The following KCTD18 variants were observed in gnomAD, a reference collection of about 807,000 sequenced individuals.
KCTD18 encodes the protein BTB/POZ domain-containing protein KCTD18.
KCTD18 carries 22 observed loss-of-function variants against 30.4 expected under a neutral mutation model. That is an observed-to-expected ratio of 0.72 (90% CI 0.52 to 1.03). KCTD18 has a LOEUF of 1.03. KCTD18 is among the 50% of genes least tolerant of loss of function. The probability of loss-of-function intolerance (pLI) is 0.00; values close to 1 mark genes in which losing one functional copy is unlikely to be tolerated. For missense variants in KCTD18, 529 were observed against 547.6 expected, an observed-to-expected ratio of 0.97 and a Z score of 0.34; for synonymous variants, 186 against 209.0, an observed-to-expected ratio of 0.89 and a Z score of 0.95.
rs773609020 is a variant in KCTD18 at position 200,506,906 on chromosome 2, CATGG to C, written c.107_110del (p.Ser36CysfsTer12). On this transcript the variant is annotated frameshift_variant, in exon 2 of 7. Transcript: ENST00000359878. LOFTEE classifies it high-confidence loss of function. ...AGCGACCACTGAACATAGATGCCAA[CATGG>C]AGTCCTTGAAGCGGCACAAGGACTC... The C allele has an allele frequency of 2.5e-6, 4 of 1,614,004 alleles. No homozygotes were observed. The South Asian group carries it at 4.4e-5, about 18-fold the overall frequency.
At chr2:200,505,973 C>T (rs1419583198) in intron 2 of KCTD18, among the ~76,000 whole-genome samples, 3 of 152,070 alleles carry the variant, frequency 2.0e-5, no homozygotes, top group East Asian at 3.9e-4. Context: ...TCAATCCCTG[C>T]TTACCATCTT....
intron 5 of KCTD18, chr2:200,497,111 T>C (rs1225631348): frequency 1.3e-5 from 2 of 152,284 alleles, no homozygotes; most frequent in Non-Finnish European, 2.9e-5. Context: ...TACATGGTTG[T>C]TAATTAAGAA....
chr2:200,499,965 G>T (rs1041639346), intron 3 of KCTD18, among the ~76,000 whole-genome samples: 1 of 151,904 alleles, frequency 6.6e-6, no homozygotes, highest in African/African-American at 2.4e-5. Flanking sequence ...GGAATGCAAG[G>T]CTGGTTCAAT....
chr2:200,500,356 C>T (rs1431916511), intron 3 of KCTD18, among the ~76,000 whole-genome samples: 31 of 151,514 alleles, frequency 2.0e-4, no homozygotes, highest in Admixed American at 3.9e-4. Context: ...TGTTTGCAGA[C>T]GACATGATTG....
intron 5 of KCTD18, chr2:200,496,813 C>T (rs940948580): frequency 6.6e-6 from 1 of 152,122 alleles, no homozygotes; most frequent in Non-Finnish European, 1.5e-5. Context: ...TTAAAAGCCT[C>T]TTCCTCTCCT....
intron 5 of KCTD18, among the ~76,000 whole-genome samples, chr2:200,494,910 T>A (rs1002907127): frequency 1.3e-5 from 2 of 152,344 alleles, no homozygotes; most frequent in Middle Eastern, 3.4e-3. Flanking sequence ...TCATACAAAA[T>A]GCAACCTTTT....
At chr2:200,496,821 CCTTTT>C (rs1215591053) in intron 5 of KCTD18, 1 of 151,946 alleles carries the variant, frequency 6.6e-6, no homozygotes, top group East Asian at 1.9e-4. Context: ...CTCTTCCTCT[CCTTTT>C]ATGTCTTGCT....
chr2:200,494,366 A>T (rs1255506338), intron 5 of KCTD18, among the ~76,000 whole-genome samples: 1 of 152,078 alleles, frequency 6.6e-6, no homozygotes, highest in Non-Finnish European at 1.5e-5. Context: ...TTCCATCTCA[A>T]TTTTTTTTAG....
In KCTD18 at chr2:200,489,180, A is replaced by G. The variant is rs2087868105; in HGVS notation, c.*920T>C. 1 of 152,640 alleles carries G rather than the reference A, an allele frequency of 6.6e-6. No homozygotes were observed. 9.5% of individuals were successfully genotyped at this position (152,640 alleles called of 1,614,324 possible). ...TTTACGAATAAACACACACAACTGA[A>G]TAGTCATGAAAAAATAGAGGATTAG... On this transcript the variant is annotated 3_prime_UTR_variant, in exon 7 of 7. Transcript: ENST00000359878.
chr2:200,500,537 T>A (rs2088068328), intron 3 of KCTD18, among the ~76,000 whole-genome samples: 3 of 150,134 alleles, frequency 2.0e-5, no homozygotes, highest in African/African-American at 7.3e-5. Context: ...CACAATTGCT[T>A]CAAAGAGAAT....
rs187923346 is a variant in KCTD18, at chr2:200,499,101, A to G, written c.373-17T>C. The G allele has an allele frequency of 4.8e-4, 737 of 1,549,760 alleles. 5 individuals carry two copies. Among genetic ancestry groups the G allele is most frequent in the Non-Finnish European group, 1.7e-4 (192 of 1,146,926 alleles). The stretch of plus-strand genomic sequence containing the variant: ...TGTTAAAGCCTAAAGCAAAAAGTAT[A>G]TATAAAATTTGAATTTAATTCTAGA... On this transcript the variant is annotated splice_polypyrimidine_tract_variant and intron_variant, in intron 3 of 6. Coordinates refer to ENST00000359878, the MANE Select transcript of KCTD18 (RefSeq NM_152387.4).
At chr2:200,504,704 C>A in intron 3 of KCTD18, 44 bp downstream of exon 3, 1 of 1,350,704 alleles carries the variant, frequency 7.4e-7, no homozygotes, top group Non-Finnish European at 1.0e-6. Flanking sequence ...TTGCTTTGTG[C>A]ATCATAAATA....
rs16833583 is a variant in KCTD18 at position 200,490,232 on chromosome 2, C to T, written c.1149G>A (p.Pro383=). The change falls in exon 7 of 7, where the codon CCG becomes CCA. Residue 383 remains proline, a synonymous_variant. Coordinates refer to ENST00000359878, the MANE Select transcript of KCTD18 (RefSeq NM_152387.4). The part of the protein sequence containing the change: ...PQRVIKLKRT[P]LCATAPCLPS... ...GCAGGCAAGGCGCGGTGGCGCACAG[C>T]GGAGTCCTCTTCAGCTTTATCACCC... The T allele has an allele frequency of 1.5e-5, 24 of 1,614,100 alleles. 1 individual carries two copies. In the South Asian group the frequency reaches 2.3e-4, roughly 16 times the overall value.
At position 200,506,914 on chromosome 2, in the gene KCTD18, C is replaced by A. The variant is rs769029522; in HGVS notation, c.103G>T (p.Asp35Tyr). ...ARRESLCRFK[D>Y]SMLASMFSGR... is the part of the protein sequence containing the mutation. ...CTGAACATAGATGCCAACATGGAGT[C>A]CTTGAAGCGGCACAAGGACTCCCGC... is the stretch of plus-strand genomic sequence containing the variant. Residue 35 changes from aspartate (D) to tyrosine (Y), a missense_variant, in exon 2 of 7, where the codon GAC becomes TAC. Asp to Tyr is a radical substitution (Grantham distance 160). Coordinates refer to ENST00000359878, the MANE Select transcript of KCTD18 (RefSeq NM_152387.4). The A allele has an allele frequency of 6.2e-6, 10 of 1,613,862 alleles. No homozygotes were observed. The highest frequency in any genetic ancestry group is 7.6e-6 in the Non-Finnish European group (9 of 1,179,972).
At chr2:200,494,675 T>C (rs2087970917) in intron 5 of KCTD18, among the ~76,000 whole-genome samples, 1 of 152,216 alleles carries the variant, frequency 6.6e-6, no homozygotes, top group African/African-American at 2.4e-5. Context: ...TTAAGTTTGC[T>C]TTTTCTAAAA....
intron 4 of KCTD18, 27 bp downstream of exon 4, chr2:200,498,864 C>A: frequency 6.3e-7 from 1 of 1,599,936 alleles, no homozygotes; most frequent in Non-Finnish European, 8.6e-7. Context: ...TTATTTTGTT[C>A]TTTTTCACAT....
chr2:200,502,819 T>C (rs969174922), intron 3 of KCTD18, among the ~76,000 whole-genome samples: 1 of 151,488 alleles, frequency 6.6e-6, no homozygotes, highest in Admixed American at 6.6e-5. Flanking sequence ...TCACCTGAGG[T>C]TGGGAGTTCG....
chr2:200,497,525 T>C (rs771716967), intron 5 of KCTD18: 15 of 448,636 alleles, frequency 3.3e-5, no homozygotes, highest in Non-Finnish European at 5.9e-5. Flanking sequence ...TAAGCCTAGC[T>C]AACAGAAACA....
chr2:200,491,014 CAAAT>C (rs1438513006), intron 6 of KCTD18, among the ~76,000 whole-genome samples: 1 of 152,094 alleles, frequency 6.6e-6, no homozygotes. Flanking sequence ...ATTTCACAAT[CAAAT>C]AAATATTAGA....
Sources: allele counts gnomAD v4.1 joint callset (sites outside exome capture counted in the v4.1 genomes callset), GRCh38; gene constraint gnomAD v4.1.1; transcripts MANE v1.5; gene names NCBI Gene and HGNC (gene_info 2026-07-23, HGNC 2026-07-21).